NRG3: variants seen among roughly 807,000 people sequenced by gnomAD.
NRG3 encodes neuregulin 3.
NRG3 carries 31 observed loss-of-function variants against 66.9 expected under a neutral mutation model. The observed-to-expected ratio is 0.46, with a 90% CI of 0.35 to 0.63. NRG3 has a LOEUF of 0.63. NRG3 is among the 20% of genes least tolerant of loss of function. The probability of loss-of-function intolerance (pLI) is 0.00; values close to 1 mark genes in which losing one functional copy is unlikely to be tolerated. For missense variants in NRG3, 910 were observed against 878.9 expected (o/e 1.04, Z -0.45); for synonymous variants, 393 against 359.4 (o/e 1.09, Z -1.06).
At chr10:82,523,118 T>A (rs533147944) in intron 2 of NRG3, among the ~76,000 whole-genome samples, 3 of 152,218 alleles carry the variant, frequency 2.0e-5, no homozygotes, top group Non-Finnish European at 2.9e-5. Context: ...GGAGCAATAT[T>A]GCATTGTATG....
At chr10:82,300,284 A>G (rs950846952) in intron 1 of NRG3, among the ~76,000 whole-genome samples, 2 of 152,170 alleles carry the variant, frequency 1.3e-5, no homozygotes, top group Non-Finnish European at 2.9e-5. Flanking sequence ...GTATGGTGCA[A>G]AAGAATAGCT....
At chr10:81,958,391 T>C (rs1850040978) in intron 1 of NRG3, among the ~76,000 whole-genome samples, 1 of 152,200 alleles carries the variant, frequency 6.6e-6, no homozygotes. Flanking sequence ...GAGAGTTATA[T>C]TGTAATACTG....
intron 2 of NRG3, among the ~76,000 whole-genome samples, chr10:82,452,793 A>G (rs1471371036): frequency 5.9e-5 from 9 of 152,144 alleles, no homozygotes; most frequent in Non-Finnish European, 1.5e-5. Context: ...CATTTGTCAT[A>G]TAACTGTCAA....
chr10:82,647,052 G>A, intron 2 of NRG3, among the ~76,000 whole-genome samples: 1 of 148,916 alleles, frequency 6.7e-6, no homozygotes, highest in Admixed American at 6.8e-5. Context: ...TGTGCACAAT[G>A]TGCAGGTTAG....
chr10:82,257,876 A>C (rs1268226620), intron 1 of NRG3, among the ~76,000 whole-genome samples: 1 of 152,210 alleles, frequency 6.6e-6, no homozygotes, highest in East Asian at 1.9e-4. Flanking sequence ...ATATGGAATG[A>C]ATTGGAGTTA....
chr10:82,635,422 A>T (rs2050124378), intron 2 of NRG3, among the ~76,000 whole-genome samples: 1 of 152,062 alleles, frequency 6.6e-6, no homozygotes, highest in Non-Finnish European at 1.5e-5. Flanking sequence ...CATGCCCATG[A>T]TGGAGTTGCT....
At chr10:82,044,084 A>T (rs1300843055) in intron 1 of NRG3, among the ~76,000 whole-genome samples, 2 of 152,018 alleles carry the variant, frequency 1.3e-5, no homozygotes, top group Non-Finnish European at 2.9e-5. Context: ...CAAAGTGAAA[A>T]TTGTCAGGGA....
chr10:82,869,350 T>C (rs1050582622), intron 4 of NRG3, among the ~76,000 whole-genome samples: 6 of 152,132 alleles, frequency 3.9e-5, no homozygotes, highest in African/African-American at 9.7e-5. Context: ...TTTGTTACAA[T>C]TGACAAACCT....
intron 2 of NRG3, among the ~76,000 whole-genome samples, chr10:82,528,050 T>G (rs548392907): frequency 2.6e-5 from 4 of 152,264 alleles, no homozygotes; most frequent in African/African-American, 9.6e-5. Context: ...CCCCCAGCCT[T>G]CCTTCCCACT....
At chr10:82,136,095 G>C (rs998973251) in intron 1 of NRG3, among the ~76,000 whole-genome samples, 1 of 152,162 alleles carries the variant, frequency 6.6e-6, no homozygotes, top group Admixed American at 6.5e-5. Flanking sequence ...CTGACTTGCA[G>C]ATTCACAGAG....
chr10:82,276,987 G>A lies in NRG3; in HGVS notation c.824-81752G>A, dbSNP rs188786476. On this transcript the variant is annotated intron_variant, in intron 1 of 8. Coordinates refer to ENST00000372141, the MANE Select transcript of NRG3 (RefSeq NM_001010848.4). ...AACTTTTAGAATTACAAAAAAATGT[G>A]GTTTTTAATAAAATATTTTTCTCCC... Among the ~76,000 whole-genome samples the A allele has an allele frequency of 4.2e-4, 64 of 151,918 alleles. 1 individual carries two copies. Among genetic ancestry groups the A allele is most frequent in the Admixed American group, 3.2e-3 (48 of 15,230 alleles).
At chr10:81,890,740 T>G (rs1842945521) in intron 1 of NRG3, among the ~76,000 whole-genome samples, 1 of 152,152 alleles carries the variant, frequency 6.6e-6, no homozygotes, top group Non-Finnish European at 1.5e-5. Flanking sequence ...CAGAGTGTCT[T>G]TATGTATTGC....
At chr10:82,109,587 A>T (rs1590148877) in intron 1 of NRG3, among the ~76,000 whole-genome samples, 1 of 135,558 alleles carries the variant, frequency 7.4e-6, no homozygotes, top group African/African-American at 2.7e-5. Context: ...GTATATATAT[A>T]TTTTCAGATC....
chr10:82,178,300 C>T (rs2073178530), intron 1 of NRG3, among the ~76,000 whole-genome samples: 1 of 152,098 alleles, frequency 6.6e-6, no homozygotes, highest in Non-Finnish European at 1.5e-5. Flanking sequence ...TAACTATAAG[C>T]ACGATGAGGT....
At chr10:82,191,875 C>A (rs1317595864) in intron 1 of NRG3, among the ~76,000 whole-genome samples, 3 of 152,180 alleles carry the variant, frequency 2.0e-5, no homozygotes, top group African/African-American at 7.2e-5. Flanking sequence ...TGCCCATTTT[C>A]TTATGCCCTG....
At chr10:82,952,469 C>CTGTG (rs1432706366) in intron 5 of NRG3, among the ~76,000 whole-genome samples, 8 of 35,382 alleles carry the variant, frequency 2.3e-4, no homozygotes, top group African/African-American at 3.8e-4. Flanking sequence ...CTCTCTCTCT[C>CTGTG]TCTGTGTGTG....
chr10:81,910,192 A>T (rs1239901142), intron 1 of NRG3, among the ~76,000 whole-genome samples: 2 of 152,200 alleles, frequency 1.3e-5, no homozygotes, highest in Non-Finnish European at 2.9e-5. Flanking sequence ...TTCCTTTCAC[A>T]TAATCTATTT....
At chr10:82,599,856 A>G (rs2047511468) in intron 2 of NRG3, among the ~76,000 whole-genome samples, 1 of 152,126 alleles carries the variant, frequency 6.6e-6, no homozygotes, top group Non-Finnish European at 1.5e-5. Context: ...AAACAAAACA[A>G]AAGAATGAAT....
At chr10:82,250,923 G>T (rs2077454851) in intron 1 of NRG3, among the ~76,000 whole-genome samples, 1 of 152,180 alleles carries the variant, frequency 6.6e-6, no homozygotes, top group Non-Finnish European at 1.5e-5. Context: ...CAGATGCCAA[G>T]CTGCATTTGA....
Sources: allele counts gnomAD v4.1 joint callset (sites outside exome capture counted in the v4.1 genomes callset), GRCh38; gene constraint gnomAD v4.1.1; transcripts MANE v1.5; gene names NCBI Gene and HGNC (gene_info 2026-07-23, HGNC 2026-07-21).